Variants in ADAM29 observed in about 807,000 individuals in gnomAD.
ADAM29 encodes the protein disintegrin and metalloproteinase domain-containing protein 29.
For missense variants in ADAM29, 969 were observed against 1,001.8 expected (o/e 0.97, Z 0.44); for synonymous variants, 367 against 342.3 (o/e 1.07, Z -0.80).
At position 174,971,489 on chromosome 4, in the gene ADAM29, G is replaced by T. The variant is rs573714797; in HGVS notation, c.-180-3857G>T. Among the ~76,000 whole-genome samples, 327 of 152,184 alleles carry T rather than the reference G, an allele frequency of 2.1e-3. 7 individuals are homozygous for T. The highest frequency in any genetic ancestry group is 1.0e-3 in the Non-Finnish European group (68 of 67,986). On this transcript the variant is annotated intron_variant, in intron 4 of 4. Coordinates refer to ENST00000359240, the MANE Select transcript of ADAM29 (RefSeq NM_014269.4). ...ATTAAAGGCCAGGTATAGTGTTCTTGGTTGGCAGTTTCTTTTCTTTTAGAA... is the reference window on the plus strand; with the variant it reads ...ATTAAAGGCCAGGTATAGTGTTCTTTGTTGGCAGTTTCTTTTCTTTTAGAA...
intron 1 of ADAM29, among the ~76,000 whole-genome samples, chr4:174,919,973 C>A (rs1241338658): frequency 1.3e-5 from 2 of 152,170 alleles, no homozygotes; most frequent in African/African-American, 4.8e-5. Context: ...AATACTGTAT[C>A]ACTTAACCAA....
intron 3 of ADAM29, among the ~76,000 whole-genome samples, chr4:174,934,198 T>C (rs1744072199): frequency 6.6e-6 from 1 of 152,204 alleles, no homozygotes; most frequent in African/African-American, 2.4e-5. Context: ...TGTTTTTGAT[T>C]TGCATTTCTC....
At position 174,950,953 on chromosome 4, in the gene ADAM29, A is replaced by G. The variant is rs1282107273; in HGVS notation, c.-181+13940A>G. On this transcript the variant is annotated intron_variant, in intron 4 of 4. Transcript: ENST00000359240. ...CATGCTTGCTTCCCCTTTGCCTTCCACCATGATTGTAAGTAAGTTTCCTGA... is the reference window on the plus strand; with the variant it reads ...CATGCTTGCTTCCCCTTTGCCTTCCGCCATGATTGTAAGTAAGTTTCCTGA... Among the ~76,000 whole-genome samples, 3 of 152,054 alleles carry G rather than the reference A, an allele frequency of 2.0e-5. No homozygotes were observed. The East Asian group carries it at 5.8e-4, about 29-fold the overall frequency.
intron 4 of ADAM29, among the ~76,000 whole-genome samples, chr4:174,948,389 G>A (rs1177883517): frequency 3.9e-5 from 6 of 152,074 alleles, no homozygotes; most frequent in Admixed American, 1.3e-4. Context: ...CAGAAGGTGG[G>A]TTCAGTCCAC....
chr4:174,949,135 C>T (rs1472095761), intron 4 of ADAM29, among the ~76,000 whole-genome samples: 2 of 152,112 alleles, frequency 1.3e-5, no homozygotes, highest in Non-Finnish European at 2.9e-5. Flanking sequence ...GGCTGCACTG[C>T]AAGTGGATGT....
chr4:174,962,265 A>G (rs1745867595), intron 4 of ADAM29, among the ~76,000 whole-genome samples: 1 of 152,124 alleles, frequency 6.6e-6, no homozygotes, highest in Non-Finnish European at 1.5e-5. Context: ...TAATCCCAGT[A>G]CTTTGGGAGG....
At chr4:174,923,066 AT>A (rs1482189864) in intron 2 of ADAM29, among the ~76,000 whole-genome samples, 2 of 93,918 alleles carry the variant, frequency 2.1e-5, no homozygotes, top group African/African-American at 1.7e-4. Context: ...AATTATTATT[AT>A]TTTTTTGAGA....
chr4:174,977,352 A>G lies in ADAM29; in HGVS notation c.1827A>G (p.Ile609Met). The change falls in exon 5 of 5, where the codon ATA (isoleucine) becomes ATG (methionine). Residue 609 changes from isoleucine (I) to methionine (M), a missense_variant. Ile to Met is a conservative substitution (Grantham distance 10). Transcript: ENST00000359240. ...GAACAGAGTGTGGGATAGATCATAT[A>G]TGCATCCACAGGCACTGTGTCCATA... is the stretch of plus-strand genomic sequence containing the variant. ...KDGTECGIDH[I>M]CIHRHCVHIT... 1.9e-6 allele frequency: 3 copies of G among 1,613,606 alleles called. No individual in the cohort carries two copies. The highest frequency in any genetic ancestry group is 2.5e-6 in the Non-Finnish European group (3 of 1,180,020).
chr4:174,919,047 C>G (rs1422304468), intron 1 of ADAM29: 2 of 152,058 alleles, frequency 1.3e-5, no homozygotes, highest in Non-Finnish European at 2.9e-5. Context: ...AGTCTTTAAC[C>G]AGGGCCTCAA....
intron 4 of ADAM29, among the ~76,000 whole-genome samples, chr4:174,941,767 A>G (rs1402335003): frequency 6.6e-6 from 1 of 152,048 alleles, no homozygotes; most frequent in Admixed American, 6.5e-5. Flanking sequence ...ACATTTTAAA[A>G]CCAATTATAC....
In ADAM29 at chr4:174,977,975, T is replaced by A. The variant is rs762305039; in HGVS notation, c.2450T>A (p.Val817Glu). 6.3e-7 allele frequency: 1 copy of A among 1,591,902 alleles called. No homozygotes were observed. The highest frequency in any genetic ancestry group is 8.6e-7 in the Non-Finnish European group (1 of 1,167,710). The part of the protein sequence containing the change: ...QLMPSQSQPP[V>E]TPS ...ATGCCTTCCCAGAGTCAACCTCCTG[T>A]GACGCCCTCCTAGAGCCAACCTCAG... The change falls in exon 5 of 5, where the codon GTG (valine) becomes GAG (glutamate). Residue 817 changes from valine to glutamate, a missense_variant. Coordinates refer to ENST00000359240, the MANE Select transcript of ADAM29 (RefSeq NM_014269.4).
At chr4:174,927,260 T>C (rs1053323112) in intron 2 of ADAM29, among the ~76,000 whole-genome samples, 3 of 152,242 alleles carry the variant, frequency 2.0e-5, no homozygotes, top group Non-Finnish European at 4.4e-5. Context: ...TAAAAACTTA[T>C]GTTTACGCAA....
chr4:174,935,086 C>T (rs78589416), intron 3 of ADAM29, among the ~76,000 whole-genome samples: 3 of 152,028 alleles, frequency 2.0e-5, no homozygotes, highest in Non-Finnish European at 4.4e-5. Context: ...CTATGAAGAG[C>T]GTGAGCTGCC....
chr4:174,939,284 A>C (rs1266360732), intron 4 of ADAM29, among the ~76,000 whole-genome samples: 1 of 152,138 alleles, frequency 6.6e-6, no homozygotes, highest in African/African-American at 2.4e-5. Flanking sequence ...CTTTTCTAAG[A>C]GCCCACATCA....
At position 174,975,984 on chromosome 4, in the gene ADAM29, C is replaced by G; in HGVS notation, c.459C>G (p.Asp153Glu). 1 of 1,613,954 alleles carries G rather than the reference C, an allele frequency of 6.2e-7. No homozygotes were observed. The highest frequency in any genetic ancestry group is 2.2e-5 in the East Asian group (1 of 44,868). Residue 153 changes from aspartate (D) to glutamate (E), a missense_variant, in exon 5 of 5, where the codon GAC becomes GAG. Physicochemically the swap from Asp to Glu is conservative, Grantham distance 45. Transcript: ENST00000359240. ...TTGAACATCTGGTATACAAGATGGACAGTGAGGAGAAACAATTTTCAACCA... is the reference window on the plus strand; with the variant it reads ...TTGAACATCTGGTATACAAGATGGAGAGTGAGGAGAAACAATTTTCAACCA... ...TTFEHLVYKM[D>E]SEEKQFSTMR...
At chr4:174,942,239 C>T (rs1744581472) in intron 4 of ADAM29, among the ~76,000 whole-genome samples, 1 of 152,160 alleles carries the variant, frequency 6.6e-6, no homozygotes. Flanking sequence ...ATTCTGGGGT[C>T]TGGAGGATGG....
At chr4:174,925,690 G>A (rs903031119) in intron 2 of ADAM29, among the ~76,000 whole-genome samples, 2 of 152,100 alleles carry the variant, frequency 1.3e-5, no homozygotes, top group African/African-American at 4.8e-5. Flanking sequence ...GCCAGGAGAA[G>A]TATCCATTTC....
chr4:174,937,515 C>A (rs962594622), intron 4 of ADAM29, among the ~76,000 whole-genome samples: 3 of 151,914 alleles, frequency 2.0e-5, no homozygotes, highest in African/African-American at 7.2e-5. Context: ...TGTAGTCAGA[C>A]CAGGCCATCT....
intron 4 of ADAM29, among the ~76,000 whole-genome samples, chr4:174,970,291 G>T (rs1367460755): frequency 6.6e-6 from 1 of 152,100 alleles, no homozygotes; most frequent in Non-Finnish European, 1.5e-5. Flanking sequence ...ATGGAATCAA[G>T]GTTGTGAATC....
Sources: allele counts gnomAD v4.1 joint callset (sites outside exome capture counted in the v4.1 genomes callset), GRCh38; gene constraint gnomAD v4.1.1; transcripts MANE v1.5; gene names NCBI Gene and HGNC (gene_info 2026-07-23, HGNC 2026-07-21).